CHD7: variants seen among roughly 807,000 people sequenced by gnomAD.
CHD7 encodes ATP-dependent chromatin remodeler CHD7.
In CHD7, 24 loss-of-function variants were observed where a neutral mutation model predicts 307.3. The ratio of observed to expected loss-of-function variants is 0.08; its 90% CI spans 0.06 to 0.11. The LOEUF (loss-of-function observed/expected upper bound fraction) is 0.11. Among genes scored for constraint, CHD7 ranks in the 10% least tolerant of loss-of-function variants. The probability of loss-of-function intolerance (pLI) is 1.00; values close to 1 mark genes in which losing one functional copy is unlikely to be tolerated. For synonymous variants in CHD7, 1,363 were observed against 1,349.9 expected (o/e 1.01, Z -0.21); for missense variants, 3,106 against 3,727.1 (o/e 0.83, Z 4.34).
At chr8:60,718,202 C>T (rs1586209098) in intron 1 of CHD7, among the ~76,000 whole-genome samples, 2 of 152,122 alleles carry the variant, frequency 1.3e-5, no homozygotes, top group Non-Finnish European at 2.9e-5. Context: ...TGAAGTTGGT[C>T]GCGGTAGCTC....
chr8:60,700,829 C>T (rs892519248), intron 1 of CHD7, among the ~76,000 whole-genome samples: 1 of 152,210 alleles, frequency 6.6e-6, no homozygotes, highest in Admixed American at 6.5e-5. Flanking sequence ...GCCGGACACA[C>T]ACACTGTAAG....
At chr8:60,794,926 A>G (rs1332957690) in intron 3 of CHD7, 60 bp from the exon 4 acceptor site, 1 of 1,473,182 alleles carries the variant, frequency 6.8e-7, no homozygotes, top group Non-Finnish European at 9.2e-7. Flanking sequence ...TGTGGGAAAT[A>G]TAAGAGACAT....
At chr8:60,702,849 C>G (rs768487931) in intron 1 of CHD7, among the ~76,000 whole-genome samples, 1 of 152,186 alleles carries the variant, frequency 6.6e-6, no homozygotes, top group Non-Finnish European at 1.5e-5. Flanking sequence ...CTCTGGTCAG[C>G]TGGTGGCTGA....
chr8:60,819,333 G>T (rs1330939234), intron 8 of CHD7, among the ~76,000 whole-genome samples: 1 of 152,190 alleles, frequency 6.6e-6, no homozygotes, highest in Admixed American at 6.5e-5. Flanking sequence ...CTTTTGTAAA[G>T]ATTGTTTAAT....
At chr8:60,793,206 C>T (rs764522820) in intron 3 of CHD7, among the ~76,000 whole-genome samples, 3 of 151,286 alleles carry the variant, frequency 2.0e-5, no homozygotes, top group Non-Finnish European at 4.4e-5. Flanking sequence ...CCATGTGTAG[C>T]GTAAACACTA....
chr8:60,700,545 G>A (rs1488245148), intron 1 of CHD7, among the ~76,000 whole-genome samples: 1 of 152,234 alleles, frequency 6.6e-6, no homozygotes, highest in East Asian at 1.9e-4. Flanking sequence ...GATGTTAGGT[G>A]ACTGAATAGT....
chr8:60,862,537 C>T lies in CHD7; in HGVS notation c.7972-11C>T, dbSNP rs1356282637. The stretch of plus-strand genomic sequence containing the variant: ...TGTGTTTTTAATCATTTGTCAAATG[C>T]CTCTACCCAGATGGGTGGAGCTATG... On this transcript the variant is annotated splice_polypyrimidine_tract_variant and intron_variant, in intron 36 of 37. Coordinates refer to ENST00000423902, the MANE Select transcript of CHD7 (RefSeq NM_017780.4). The T allele has an allele frequency of 1.3e-6, 2 of 1,555,962 alleles. No homozygotes were observed. The highest frequency in any genetic ancestry group is 1.7e-6 in the Non-Finnish European group (2 of 1,147,200).
intron 29 of CHD7, 41 bp from the exon 30 acceptor site, chr8:60,852,457 T>C: frequency 6.4e-7 from 1 of 1,553,896 alleles, no homozygotes; most frequent in Non-Finnish European, 8.8e-7. Flanking sequence ...ATTAAGTCTT[T>C]TCCTGAAGTA....
chr8:60,860,312 C>T (rs926253298), intron 34 of CHD7, among the ~76,000 whole-genome samples: 1 of 152,240 alleles, frequency 6.6e-6, no homozygotes, highest in African/African-American at 2.4e-5. Context: ...CTATACCCCC[C>T]ATGTTGTATT....
At chr8:60,792,958 A>G (rs1010079578) in intron 3 of CHD7, among the ~76,000 whole-genome samples, 8 of 152,232 alleles carry the variant, frequency 5.3e-5, no homozygotes, top group Admixed American at 2.0e-4. Flanking sequence ...ACTGCAGCGC[A>G]GGTGTTGAGA....
chr8:60,683,491 A>G (rs1201372730), intron 1 of CHD7, among the ~76,000 whole-genome samples: 1 of 152,252 alleles, frequency 6.6e-6, no homozygotes, highest in Non-Finnish European at 1.5e-5. Context: ...TCACATCTGC[A>G]TGATAAAAAG....
At chr8:60,856,924 G>A (rs773485975) in intron 34 of CHD7, 36 bp downstream of exon 34, 10 of 1,511,000 alleles carry the variant, frequency 6.6e-6, no homozygotes, top group East Asian at 2.3e-5. Flanking sequence ...GCGATTGCAC[G>A]TGTTGACAGC....
chr8:60,796,565 CTG>C (rs1812044135), intron 4 of CHD7, among the ~76,000 whole-genome samples: 1 of 150,200 alleles, frequency 6.7e-6, no homozygotes, highest in African/African-American at 2.4e-5. Flanking sequence ...TTTTAAAAGT[CTG>C]TTTATATTAA....
chr8:60,727,371 C>G (rs1808222072), intron 1 of CHD7, among the ~76,000 whole-genome samples: 1 of 152,154 alleles, frequency 6.6e-6, no homozygotes, highest in South Asian at 2.1e-4. Context: ...CAAGTGATCC[C>G]CCCCACCTTG....
chr8:60,709,407 A>G (rs981248411), intron 1 of CHD7, among the ~76,000 whole-genome samples: 2 of 152,222 alleles, frequency 1.3e-5, no homozygotes, highest in African/African-American at 4.8e-5. Flanking sequence ...GCAGCCAGCA[A>G]ACAGCTTAGA....
At chr8:60,822,788 A>G (rs1399349828) in intron 12 of CHD7, 42 bp downstream of exon 12, 1 of 1,456,128 alleles carries the variant, frequency 6.9e-7, no homozygotes, top group African/African-American at 1.4e-5. Flanking sequence ...TACTCTGTGC[A>G]TTTTAAGGTG....
At chr8:60,715,710 GA>G (rs1315323211) in intron 1 of CHD7, among the ~76,000 whole-genome samples, 1 of 152,080 alleles carries the variant, frequency 6.6e-6, no homozygotes, top group Non-Finnish European at 1.5e-5. Flanking sequence ...GGAGCCATCT[GA>G]AACTCCTTGG....
At chr8:60,798,844 A>T (rs1351589976) in intron 4 of CHD7, among the ~76,000 whole-genome samples, 1 of 152,248 alleles carries the variant, frequency 6.6e-6, no homozygotes. Flanking sequence ...ACATACATAT[A>T]TGAATAAAAA....
rs1276022488 is a variant in CHD7, at chr8:60,708,706, G to A, written c.-175+29624G>A. On this transcript the variant is annotated intron_variant, in intron 1 of 37. Coordinates refer to ENST00000423902, the MANE Select transcript of CHD7 (RefSeq NM_017780.4). Reference sequence around the variant, plus strand: ...TTTTGCTTCGCCCTATTTCAAGTACGATTTTGTCCACTCAAACTCAGCTTT... The same window carrying A: ...TTTTGCTTCGCCCTATTTCAAGTACAATTTTGTCCACTCAAACTCAGCTTT... 4.6e-5 allele frequency among the ~76,000 whole-genome samples: 7 copies of A among 152,194 alleles called. No homozygotes were observed. The East Asian group carries it at 1.4e-3, about 29-fold the overall frequency.
Sources: allele counts gnomAD v4.1 joint callset (sites outside exome capture counted in the v4.1 genomes callset), GRCh38; gene constraint gnomAD v4.1.1; transcripts MANE v1.5; gene names NCBI Gene and HGNC (gene_info 2026-07-23, HGNC 2026-07-21).